Variants in ARHGEF12 observed in about 807,000 individuals in gnomAD.
ARHGEF12 encodes KMT2A/ARHGEF12 fusion protein.
A neutral mutation model predicts 211.2 loss-of-function variants in ARHGEF12; 66 were observed. That is an observed-to-expected ratio of 0.31 (90% confidence interval 0.26 to 0.38). The LOEUF is 0.38. ARHGEF12 is among the 10% of genes least tolerant of loss of function. The probability of loss-of-function intolerance (pLI) is 1.00; values close to 1 mark genes in which losing one functional copy is unlikely to be tolerated. For missense variants in ARHGEF12, 1,429 were observed against 1,869.5 expected, an observed-to-expected ratio of 0.76 and a Z score of 4.34; for synonymous variants, 592 against 638.4, an observed-to-expected ratio of 0.93 and a Z score of 1.09.
At chr11:120,434,840 T>A (rs185843461) in intron 11 of ARHGEF12, among the ~76,000 whole-genome samples, 14 of 152,304 alleles carry the variant, frequency 9.2e-5, no homozygotes, top group Admixed American at 9.2e-4. Context: ...TTAAACATAT[T>A]CAAAAGTAAA....
intron 8 of ARHGEF12, 128 bp from the exon 9 acceptor site, chr11:120,429,312 G>GT (rs1178876611): frequency 4.7e-6 from 3 of 640,758 alleles, no homozygotes; most frequent in Admixed American, 6.5e-5. Context: ...TAACCCGGAA[G>GT]TAAAAACCTA....
At chr11:120,476,769 C>T (rs773633842) in intron 34 of ARHGEF12, 21 bp downstream of exon 34, 102 of 1,537,326 alleles carry the variant, frequency 6.6e-5, no homozygotes, top group Non-Finnish European at 9.0e-5. Flanking sequence ...GATATGGCTA[C>T]CTTGCTATAG....
rs1031524942 is a variant in ARHGEF12 at position 120,437,343 on chromosome 11, A to G, written c.960A>G (p.Leu320=). Residue 320 remains leucine, a synonymous_variant, in exon 12 of 41, where the codon CTA becomes CTG. Coordinates refer to ENST00000397843, the MANE Select transcript of ARHGEF12 (RefSeq NM_015313.3). ...GTGGCCCAAAAGAGAGAATTTATCT[A>G]GAGGAAAACCCAGAGAAAAGTGAAA... The part of the protein sequence containing the change: ...PKSGPKERIY[L]EENPEKSETI... 4 of 1,613,174 alleles carry G rather than the reference A, an allele frequency of 2.5e-6. No homozygotes were observed. Among genetic ancestry groups the G allele is most frequent in the Admixed American group, 1.7e-5 (1 of 59,930 alleles).
chr11:120,419,036 G>C (rs1159807578), intron 4 of ARHGEF12, among the ~76,000 whole-genome samples: 1 of 151,142 alleles, frequency 6.6e-6, no homozygotes, highest in East Asian at 1.9e-4. Context: ...CCGCCTCCCA[G>C]GTTGGACCCG....
At chr11:120,456,477 CAG>C (rs143409100) in intron 22 of ARHGEF12, among the ~76,000 whole-genome samples, 1,725 of 152,162 alleles carry the variant, frequency 0.011, 23 homozygotes, top group African/African-American at 0.039. Context: ...ACAAAATCCT[CAG>C]AGGGGAAAGA....
chr11:120,424,333 A>T, intron 6 of ARHGEF12, 25 bp from the exon 7 acceptor site: 3 of 1,590,122 alleles, frequency 1.9e-6, no homozygotes, highest in Non-Finnish European at 2.6e-6. Flanking sequence ...TGTATCTGAC[A>T]TACACTACTT....
chr11:120,403,158 T>C (rs1591547258), intron 1 of ARHGEF12, among the ~76,000 whole-genome samples: 1 of 152,300 alleles, frequency 6.6e-6, no homozygotes, highest in Non-Finnish European at 1.5e-5. Context: ...TTCTGAACGT[T>C]TAAGGCCTTT....
At chr11:120,478,493 C>T (rs975777692) in intron 37 of ARHGEF12, 104 bp downstream of exon 37, 1 of 1,091,338 alleles carries the variant, frequency 9.2e-7, no homozygotes, top group East Asian at 2.6e-5. Flanking sequence ...TCTTCTAGTT[C>T]TATTGTGGAG....
intron 8 of ARHGEF12, 82 bp from the exon 9 acceptor site, chr11:120,429,358 G>T (rs1392904757): frequency 3.4e-6 from 4 of 1,174,934 alleles, no homozygotes; most frequent in East Asian, 2.4e-5. Flanking sequence ...GCAGAACTTT[G>T]TATGCCACAT....
chr11:120,444,182 C>T (rs1451203029), intron 15 of ARHGEF12, among the ~76,000 whole-genome samples: 1 of 152,066 alleles, frequency 6.6e-6, no homozygotes, highest in African/African-American at 2.4e-5. Context: ...GATCCTACTC[C>T]CATTGTTTAA....
chr11:120,368,634 G>A (rs944770982), intron 1 of ARHGEF12, among the ~76,000 whole-genome samples: 1 of 152,192 alleles, frequency 6.6e-6, no homozygotes, highest in Non-Finnish European at 1.5e-5. Context: ...AATCCATTGA[G>A]TGCTTGTGCC....
chr11:120,371,777 A>G (rs1565435141), intron 1 of ARHGEF12, among the ~76,000 whole-genome samples: 1 of 152,186 alleles, frequency 6.6e-6, no homozygotes, highest in Non-Finnish European at 1.5e-5. Context: ...ATTTGGTTCT[A>G]TTGTTGGATG....
chr11:120,458,351 A>G, intron 25 of ARHGEF12, 117 bp downstream of exon 25: 1 of 1,184,082 alleles, frequency 8.4e-7, no homozygotes, highest in Non-Finnish European at 1.2e-6. Flanking sequence ...GTTTTAAACA[A>G]AGAGGAAATT....
intron 1 of ARHGEF12, among the ~76,000 whole-genome samples, chr11:120,381,218 T>C (rs1356992696): frequency 6.6e-6 from 1 of 152,230 alleles, no homozygotes; most frequent in Non-Finnish European, 1.5e-5. Context: ...ACATCTCTAA[T>C]TGTTTCTATA....
At chr11:120,352,565 C>T (rs1462122989) in intron 1 of ARHGEF12, among the ~76,000 whole-genome samples, 1 of 152,090 alleles carries the variant, frequency 6.6e-6, no homozygotes, top group African/African-American at 2.4e-5. Context: ...AAGGTTTTAT[C>T]TTTTATAGCT....
In ARHGEF12 at chr11:120,451,531, A is replaced by G; in HGVS notation, c.1863A>G (p.Leu621=). ...GATCAGTTGGCAGAGCCATGGAACT[A>G]CAGAAGGCGCGCCACCCTAAGCACT... The part of the protein sequence containing the change: ...DNSAIGRAME[L]QKARHPKHLS... The change falls in exon 22 of 41, where the codon CTA becomes CTG. Residue 621 remains leucine, a synonymous_variant. Transcript: ENST00000397843. 3.1e-6 allele frequency: 5 copies of G among 1,614,144 alleles called. No individual in the cohort carries two copies. Among genetic ancestry groups the G allele is most frequent in the Non-Finnish European group, 4.2e-6 (5 of 1,180,014 alleles).
At chr11:120,430,756 TTA>T (rs1304827899) in intron 10 of ARHGEF12, among the ~76,000 whole-genome samples, 1 of 152,194 alleles carries the variant, frequency 6.6e-6, no homozygotes, top group Non-Finnish European at 1.5e-5. Context: ...TTTAAAAAAA[TTA>T]TGTTATAATT....
chr11:120,338,002 CT>C, intron 1 of ARHGEF12: 1 of 698,722 alleles, frequency 1.4e-6, no homozygotes. Context: ...TGTGTCTGTC[CT>C]TTATAGCACC....
intron 20 of ARHGEF12, chr11:120,448,729 T>TTA (rs1445602631): frequency 1.1e-5 from 3 of 280,504 alleles, no homozygotes; most frequent in African/African-American, 6.6e-5. Context: ...TGTTTAGTGT[T>TTA]TACTAGATTG....
Sources: gnomAD v4.1 joint callset for allele counts (sites outside exome capture counted in the v4.1 genomes callset) on GRCh38, gnomAD v4.1.1 for gene constraint, MANE v1.5 for transcripts, NCBI Gene and HGNC (gene_info 2026-07-23, HGNC 2026-07-21) for gene names.